The following CUL9 variants were observed in gnomAD, a reference collection of about 807,000 sequenced individuals.
CUL9 encodes cullin 9, also known as cullin-9.
A neutral mutation model predicts 272.6 loss-of-function variants in CUL9; 79 were observed. The ratio of observed to expected loss-of-function variants is 0.29; its 90% CI spans 0.24 to 0.35. The LOEUF (loss-of-function observed/expected upper bound fraction) is 0.35. Among genes scored for constraint, CUL9 ranks in the 10% least tolerant of loss-of-function variants. The probability of loss-of-function intolerance (pLI) is 1.00; values close to 1 mark genes in which losing one functional copy is unlikely to be tolerated. For missense variants in CUL9, 2,532 were observed against 3,255.6 expected (o/e 0.78, Z 5.41); for synonymous variants, 1,186 against 1,286.5 (o/e 0.92, Z 1.67).
At chr6:43,185,421 T>C (rs1343538927) in intron 2 of CUL9, 35 bp from the exon 3 acceptor site, 1 of 1,599,882 alleles carries the variant, frequency 6.3e-7, no homozygotes, top group Non-Finnish European at 8.5e-7. Flanking sequence ...GTACTGGGGA[T>C]TGAGGAGAAG....
Position 43,203,875 on chromosome 6 carries a change from C to T in CUL9, c.4047C>T (p.His1349=), listed in dbSNP as rs767654995. 14 of 1,612,592 alleles carry T rather than the reference C, an allele frequency of 8.7e-6. No homozygotes were observed. The highest frequency in any genetic ancestry group is 5.5e-5 in the South Asian group (5 of 90,942). The change falls in exon 20 of 41, where the codon CAC becomes CAT. Residue 1349 remains histidine, a synonymous_variant. Coordinates refer to ENST00000252050, the MANE Select transcript of CUL9 (RefSeq NM_015089.4). This position sits in a 1 kb window ranked among gnomAD's most constrained non-coding sequence, Gnocchi z 5.0. ...CCAGACTGAACAGGGTTTTGCGCCA[C>T]GAGCAGAATTTTGCTGACCGCTTCC... ...LCPRLNRVLR[H]EQNFADRFLP... is the part of the protein sequence containing the mutation.
In CUL9 at chr6:43,218,377, C is replaced by T. The variant is rs1359261244; in HGVS notation, c.6282+1874C>T. 6.6e-5 allele frequency among the ~76,000 whole-genome samples: 10 copies of T among 152,088 alleles called. No individual in the cohort carries two copies. Among genetic ancestry groups the T allele is most frequent in the Admixed American group, 2.6e-4 (4 of 15,272 alleles). ...GACTATAGGCGCCCGCCACCGCGCC[C>T]GGCTAATTTTTTGCATTTTTAGTAG... is the stretch of plus-strand genomic sequence containing the variant. On this transcript the variant is annotated intron_variant, in intron 31 of 40. Coordinates refer to ENST00000252050, the MANE Select transcript of CUL9 (RefSeq NM_015089.4). This position sits in a 1 kb window ranked among gnomAD's most constrained non-coding sequence, Gnocchi z 4.4.
chr6:43,186,284 G>T lies in CUL9; in HGVS notation c.1080G>T (p.Gly360=), dbSNP rs1215713509. 1 of 1,614,132 alleles carries T rather than the reference G, an allele frequency of 6.2e-7. No individual in the cohort carries two copies. Among genetic ancestry groups the T allele is most frequent in the Non-Finnish European group, 8.5e-7 (1 of 1,180,056 alleles). ...PTIVTTPRRQ[G]WVFRQRSEFS... is the part of the protein sequence containing the mutation. Reference sequence around the variant, plus strand: ...TTGTCACCACCCCCAGAAGACAAGGGTGGGTCTTCCGCCAGCGCTCTGAAT... The same window carrying T: ...TTGTCACCACCCCCAGAAGACAAGGTTGGGTCTTCCGCCAGCGCTCTGAAT... Residue 360 remains glycine, a synonymous_variant, in exon 4 of 41, where the codon GGG becomes GGT. Coordinates refer to ENST00000252050, the MANE Select transcript of CUL9 (RefSeq NM_015089.4).
Position 43,215,186 on chromosome 6 carries a change from C to A in CUL9, c.5796C>A (p.His1932Gln). The A allele has an allele frequency of 6.2e-7, 1 of 1,614,224 alleles. No individual in the cohort carries two copies. Among genetic ancestry groups the A allele is most frequent in the Non-Finnish European group, 8.5e-7 (1 of 1,180,040 alleles). The stretch of plus-strand genomic sequence containing the variant: ...CAGATGTCCTCTCTTGCATCCTGCA[C>A]CTCTTAGGCCAGGGCTACGTGAAAC... ...TSTDVLSCILHLLGQGYVKRR... is the reference protein window; with the variant it reads ...TSTDVLSCILQLLGQGYVKRR... The change falls in exon 30 of 41, where the codon CAC (histidine) becomes CAA (glutamine). Residue 1932 changes from histidine to glutamine, a missense_variant. By Grantham distance (24) the His-to-Gln change is conservative. This residue lies in a region of CUL9 where 2,218 missense variants were observed against 2,788.6 expected (regional missense o/e 0.80). Coordinates refer to ENST00000252050, the MANE Select transcript of CUL9 (RefSeq NM_015089.4).
In CUL9 at chr6:43,184,996, C is replaced by A. The variant is rs1343028542; in HGVS notation, c.595+91C>A. 2.1e-6 allele frequency: 2 copies of A among 973,404 alleles called. No individual in the cohort carries two copies. Among genetic ancestry groups the A allele is most frequent in the South Asian group, 1.7e-5 (1 of 58,586 alleles). The allele number at this position is 973,404 out of a possible 1,614,324, so 60.3% of individuals were successfully genotyped here. A position where few individuals can be genotyped will look rare whatever the true frequency, so the allele number is the denominator to read the frequency against. On this transcript the variant is annotated intron_variant, in intron 2 of 40. Transcript: ENST00000252050. This position sits in a 1 kb window ranked among gnomAD's most constrained non-coding sequence, Gnocchi z 4.8. ...GAGAGATTTCCTAGCTCTGTAAGAA[C>A]ACCTAGTATTTGGTGAATATCAATT...
At chr6:43,194,387 C>T (rs993225923) in intron 9 of CUL9, among the ~76,000 whole-genome samples, 2 of 151,710 alleles carry the variant, frequency 1.3e-5, no homozygotes, top group Admixed American at 1.3e-4. Flanking sequence ...GGCTCAATCT[C>T]GGCTCACTGG....
At chr6:43,215,745 G>A (rs550445873) in intron 30 of CUL9, among the ~76,000 whole-genome samples, 10 of 152,228 alleles carry the variant, frequency 6.6e-5, no homozygotes, top group African/African-American at 2.4e-4. Context: ...TCAACATGGC[G>A]CCAGTGTTAA....
intron 26 of CUL9, among the ~76,000 whole-genome samples, chr6:43,211,770 C>T (rs1269834137): frequency 6.6e-6 from 1 of 151,808 alleles, no homozygotes; most frequent in Non-Finnish European, 1.5e-5. Flanking sequence ...CTATTCCCCA[C>T]CCCCAAAATT....
At position 43,206,166 on chromosome 6, in the gene CUL9, G is replaced by T. The variant is rs763545834; in HGVS notation, c.4953G>T (p.Gln1651His). Residue 1651 changes from glutamine (Q) to histidine (H), a missense_variant, in exon 25 of 41, where the codon CAG becomes CAT. Transcript: ENST00000252050. The surrounding 1 kb of genome is among the most constrained non-coding windows in gnomAD (Gnocchi z 4.8). Reference protein sequence around the residue: ...EELQRQFHLFQLQRLDKLFLE... With the variant: ...EELQRQFHLFHLQRLDKLFLE... ...TGCAGCGCCAGTTCCACCTCTTCCAGCTCCAGCGGCTCGACAAGTTGTTCT... is the reference window on the plus strand; with the variant it reads ...TGCAGCGCCAGTTCCACCTCTTCCATCTCCAGCGGCTCGACAAGTTGTTCT... 1 of 1,613,862 alleles carries T rather than the reference G, an allele frequency of 6.2e-7. No individual in the cohort carries two copies. The highest frequency in any genetic ancestry group is 1.1e-5 in the South Asian group (1 of 91,042).
In CUL9 at chr6:43,221,172, T is replaced by C. The variant is rs151051911; in HGVS notation, c.6603T>C (p.Ala2201=). 1.2e-6 allele frequency: 2 copies of C among 1,611,324 alleles called. No individual in the cohort carries two copies. The highest frequency in any genetic ancestry group is 4.5e-5 in the East Asian group (2 of 44,864). The change falls in exon 34 of 41, where the codon GCT becomes GCC. Residue 2201 remains alanine, a synonymous_variant. Coordinates refer to ENST00000252050, the MANE Select transcript of CUL9 (RefSeq NM_015089.4). This position sits in a 1 kb window ranked among gnomAD's most constrained non-coding sequence, Gnocchi z 4.2. ...TCTTGCCTTAGGCACACTACCCTGCTAGCTGTGGCCATATGTCTCAGTGGG... is the reference window on the plus strand; with the variant it reads ...TCTTGCCTTAGGCACACTACCCTGCCAGCTGTGGCCATATGTCTCAGTGGG... The part of the protein sequence containing the change: ...NCSFPEAHYP[A]SCGHMSQWVD...
In CUL9 at chr6:43,221,084, C is replaced by G. The variant is rs577580517; in HGVS notation, c.6589-74C>G. 1,060 of 1,548,302 alleles carry G rather than the reference C, an allele frequency of 6.8e-4. 19 individuals are homozygous for G. In the South Asian group the frequency reaches 0.012, roughly 18 times the overall value. On this transcript the variant is annotated intron_variant, in intron 33 of 40. Coordinates refer to ENST00000252050, the MANE Select transcript of CUL9 (RefSeq NM_015089.4). This position sits in a 1 kb window ranked among gnomAD's most constrained non-coding sequence, Gnocchi z 4.2. ...CTCCAAATGTGATCTGTGCCTGCTC[C>G]CCTCTCTCCTGTGCACACCAGCCAT...
chr6:43,184,570 A>T lies in CUL9; in HGVS notation c.260A>T (p.Lys87Met). 6.2e-7 allele frequency: 1 copy of T among 1,613,400 alleles called. No homozygotes were observed. Among genetic ancestry groups the T allele is most frequent in the Non-Finnish European group, 8.5e-7 (1 of 1,179,420 alleles). The change falls in exon 2 of 41, where the codon AAG becomes ATG. Residue 87 changes from lysine to methionine, a missense_variant. By Grantham distance (95) the Lys-to-Met change is moderately conservative. Coordinates refer to ENST00000252050, the MANE Select transcript of CUL9 (RefSeq NM_015089.4). This position sits in a 1 kb window ranked among gnomAD's most constrained non-coding sequence, Gnocchi z 4.8. ...CTGTTAGGTGAGCGGGCACTATCTAAGGGACTTCAGCACGAACCAGCTGGG... is the reference window on the plus strand; with the variant it reads ...CTGTTAGGTGAGCGGGCACTATCTATGGGACTTCAGCACGAACCAGCTGGG... ...PGLLGERALS[K>M]GLQHEPAGVS...
rs776020296 is a variant in CUL9 at position 43,204,979 on chromosome 6, C to A, written c.4496C>A (p.Pro1499His). Residue 1499 changes from proline to histidine, a missense_variant, in exon 23 of 41, where the codon CCT becomes CAT. This residue lies in a region of CUL9 where 2,218 missense variants were observed against 2,788.6 expected (regional missense o/e 0.80). Transcript: ENST00000252050. ...AAAWRAPDFV[P>H]RYCKLYEHLQ... ...GCTTGGAGGGCCCCAGACTTTGTGC[C>A]TCGTTACTGTAAACTCTATGAGCAC... 7 of 1,612,178 alleles carry A rather than the reference C, an allele frequency of 4.3e-6. No individual in the cohort carries two copies. The South Asian group carries it at 7.7e-5, about 18-fold the overall frequency.
rs776152525 is a variant in CUL9 at position 43,188,593 on chromosome 6, C to A, written c.2058C>A (p.Ala686=). 15 of 1,614,102 alleles carry A rather than the reference C, an allele frequency of 9.3e-6. 1 individual carries two copies. The highest frequency in any genetic ancestry group is 1.3e-5 in the Non-Finnish European group (15 of 1,180,046). Residue 686 remains alanine, a synonymous_variant, in exon 8 of 41, where the codon GCC becomes GCA. Transcript: ENST00000252050. ...SLDQHVAAVV[A]TVQISSLDTN... Reference sequence around the variant, plus strand: ...ATCAGCATGTGGCAGCGGTCGTGGCCACTGTGCAGATATCCAGCTTGGACA... The same window carrying A: ...ATCAGCATGTGGCAGCGGTCGTGGCAACTGTGCAGATATCCAGCTTGGACA...
intron 31 of CUL9, among the ~76,000 whole-genome samples, chr6:43,217,935 C>T (rs1047176321): frequency 6.6e-6 from 1 of 152,130 alleles, no homozygotes; most frequent in Non-Finnish European, 1.5e-5. Context: ...AATTCTCATA[C>T]TAGTTCTATG....
Position 43,203,701 on chromosome 6 carries a change from G to T in CUL9, c.4025+109G>T. On this transcript the variant is annotated intron_variant, in intron 19 of 40. Transcript: ENST00000252050. The surrounding 1 kb of genome is among the most constrained non-coding windows in gnomAD (Gnocchi z 5.0). The stretch of plus-strand genomic sequence containing the variant: ...AGGGAAAGCTGCAGCCAGGACATGA[G>T]GGGGAAGGTGAACGTAGGTGAGAAG... 2.0e-6 allele frequency: 3 copies of T among 1,515,856 alleles called. No homozygotes were observed. Among genetic ancestry groups the T allele is most frequent in the South Asian group, 1.3e-5 (1 of 79,120 alleles). 93.9% of individuals were successfully genotyped at this position (1,515,856 alleles called of 1,614,324 possible).
At chr6:43,185,431 G>A (rs1772818740) in intron 2 of CUL9, 25 bp from the exon 3 acceptor site, 6 of 1,607,864 alleles carry the variant, frequency 3.7e-6, no homozygotes, top group Non-Finnish European at 5.1e-6. Flanking sequence ...TTGAGGAGAA[G>A]ATATGGATTG....
rs778295958 is a variant in CUL9 at position 43,213,680 on chromosome 6, C to T, written c.5489-33C>T. The T allele has an allele frequency of 1.4e-5, 22 of 1,609,004 alleles. No homozygotes were observed. The South Asian group carries it at 1.9e-4, about 14-fold the overall frequency. On this transcript the variant is annotated intron_variant, in intron 28 of 40. Transcript: ENST00000252050. This position sits in a 1 kb window ranked among gnomAD's most constrained non-coding sequence, Gnocchi z 5.7. The stretch of plus-strand genomic sequence containing the variant: ...AGTCCCCATTCATCTGTCCCTCTGC[C>T]TCCTCTGGTACCTGACCGGGAGCGG...
intron 3 of CUL9, 62 bp from the exon 4 acceptor site, chr6:43,185,893 A>G: frequency 6.5e-7 from 1 of 1,527,928 alleles, no homozygotes; most frequent in Non-Finnish European, 8.8e-7. Flanking sequence ...AGGATACTTC[A>G]GGGAAGGGGA....
Sources: allele counts gnomAD v4.1 joint callset (sites outside exome capture counted in the v4.1 genomes callset), GRCh38; gene constraint gnomAD v4.1.1; regional missense constraint gnomAD v4.1.1; non-coding constraint Gnocchi (gnomAD v3.1); transcripts MANE v1.5; gene names NCBI Gene and HGNC (gene_info 2026-07-23, HGNC 2026-07-21).